Variants in VTI1A observed in about 807,000 individuals in gnomAD.
VTI1A encodes vesicle transport through interaction with t-SNAREs 1A.
VTI1A carries 22 observed loss-of-function variants against 34.9 expected under a neutral mutation model. The ratio of observed to expected loss-of-function variants is 0.63; its 90% CI spans 0.45 to 0.90. The LOEUF (loss-of-function observed/expected upper bound fraction) is 0.90, where lower values mean the gene tolerates loss of function less well. Among genes scored for constraint, VTI1A ranks in the 40% least tolerant of loss-of-function variants. The pLI is 0.00. For synonymous variants in VTI1A, 87 were observed against 97.3 expected (o/e 0.89, Z 0.62); for missense variants, 268 against 275.6 (o/e 0.97, Z 0.20).
intron 5 of VTI1A, among the ~76,000 whole-genome samples, chr10:112,653,149 T>C (rs1410416547): frequency 6.6e-6 from 1 of 152,218 alleles, no homozygotes; most frequent in African/African-American, 2.4e-5. Flanking sequence ...CGAAGTCATT[T>C]ACTCAGTGTA....
chr10:112,711,770 G>A (rs1200870119), intron 7 of VTI1A, among the ~76,000 whole-genome samples: 1 of 152,164 alleles, frequency 6.6e-6, no homozygotes, highest in Non-Finnish European at 1.5e-5. Flanking sequence ...TGTCCTCTGG[G>A]ACAACAACAG....
intron 5 of VTI1A, among the ~76,000 whole-genome samples, chr10:112,560,279 A>G (rs1222335109): frequency 1.3e-5 from 2 of 152,240 alleles, no homozygotes; most frequent in African/African-American, 4.8e-5. Flanking sequence ...AAAATGTAGT[A>G]TGCAACTTTC....
chr10:112,740,704 G>A (rs1850665258), intron 7 of VTI1A, among the ~76,000 whole-genome samples: 1 of 152,244 alleles, frequency 6.6e-6, no homozygotes, highest in South Asian at 2.1e-4. Flanking sequence ...AAATTGGAAT[G>A]CTCATGTGCT....
At chr10:112,747,454 G>A (rs1465050308) in intron 7 of VTI1A, among the ~76,000 whole-genome samples, 1 of 152,154 alleles carries the variant, frequency 6.6e-6, no homozygotes, top group Non-Finnish European at 1.5e-5. Context: ...TCCTGAATAC[G>A]ATAGGCAGTT....
chr10:112,709,142 C>T (rs565527225), intron 7 of VTI1A, among the ~76,000 whole-genome samples: 1 of 152,326 alleles, frequency 6.6e-6, no homozygotes, highest in South Asian at 2.1e-4. Flanking sequence ...CACTCACCAT[C>T]CTCCTCCCTG....
chr10:112,524,803 C>A (rs996852040), intron 3 of VTI1A, among the ~76,000 whole-genome samples: 1 of 152,056 alleles, frequency 6.6e-6, no homozygotes, highest in African/African-American at 2.4e-5. Context: ...ATGTTTTAGT[C>A]CCCCATAGTG....
chr10:112,656,521 A>AT (rs768159688), intron 5 of VTI1A, among the ~76,000 whole-genome samples: 4,273 of 103,110 alleles, frequency 0.041, 193 homozygotes, highest in East Asian at 0.12. Context: ...CACCCAGATA[A>AT]TTTTTTTTTT....
At chr10:112,592,964 C>G (rs560720120) in intron 5 of VTI1A, among the ~76,000 whole-genome samples, 33 of 152,204 alleles carry the variant, frequency 2.2e-4, no homozygotes, top group African/African-American at 7.7e-4. Flanking sequence ...TGTGTGGTGT[C>G]TGAAGAAGGA....
chr10:112,601,770 C>T (rs991500072), intron 5 of VTI1A, among the ~76,000 whole-genome samples: 1 of 152,118 alleles, frequency 6.6e-6, no homozygotes, highest in South Asian at 2.1e-4. Flanking sequence ...TGAGGTATCA[C>T]TATTAGTTAA....
intron 7 of VTI1A, among the ~76,000 whole-genome samples, chr10:112,784,773 G>A (rs1852234334): frequency 6.6e-6 from 1 of 152,148 alleles, no homozygotes; most frequent in African/African-American, 2.4e-5. Context: ...CTGTTTTAAG[G>A]CATTTCTCCA....
chr10:112,765,325 T>C (rs990969736), intron 7 of VTI1A, among the ~76,000 whole-genome samples: 1 of 152,198 alleles, frequency 6.6e-6, no homozygotes, highest in African/African-American at 2.4e-5. Flanking sequence ...TTCACCTGCC[T>C]CAGCTTCCCA....
chr10:112,582,520 C>T (rs1482200402), intron 5 of VTI1A, among the ~76,000 whole-genome samples: 1 of 152,120 alleles, frequency 6.6e-6, no homozygotes, highest in Admixed American at 6.5e-5. Flanking sequence ...CTCCAGATCT[C>T]ATGGTGACAT....
At chr10:112,734,040 C>T (rs990879560) in intron 7 of VTI1A, among the ~76,000 whole-genome samples, 2 of 152,142 alleles carry the variant, frequency 1.3e-5, no homozygotes, top group Admixed American at 1.3e-4. Flanking sequence ...GCGTGAGCCA[C>T]CGTGCCTGGC....
At chr10:112,620,653 G>A (rs1411836678) in intron 5 of VTI1A, among the ~76,000 whole-genome samples, 1 of 152,094 alleles carries the variant, frequency 6.6e-6, no homozygotes, top group African/African-American at 2.4e-5. Context: ...AGCTGGGCAT[G>A]GTGGTGGGCG....
chr10:112,464,261 G>C (rs1342985526), intron 2 of VTI1A, among the ~76,000 whole-genome samples: 6 of 152,254 alleles, frequency 3.9e-5, no homozygotes, highest in African/African-American at 1.4e-4. Context: ...GCCTCCCAAA[G>C]TGTTGGGATG....
At chr10:112,853,443 G>A in the VTI1A span, among the ~76,000 whole-genome samples, 1 of 152,200 alleles carries the variant, frequency 6.6e-6, no homozygotes, top group African/African-American at 2.4e-5. Flanking sequence ...GGAGATACCA[G>A]GACATACCTC....
intron 7 of VTI1A, among the ~76,000 whole-genome samples, chr10:112,766,934 A>G (rs79073163): frequency 6.6e-6 from 1 of 152,190 alleles, no homozygotes; most frequent in Non-Finnish European, 1.5e-5. Context: ...ATCCGTGCCA[A>G]TTGTGGTTTA....
intron 7 of VTI1A, among the ~76,000 whole-genome samples, chr10:112,805,787 G>A (rs1051144934): frequency 6.6e-6 from 1 of 152,170 alleles, no homozygotes; most frequent in South Asian, 2.1e-4. Context: ...GAAGCTGGGA[G>A]AGAGGCATGG....
intron 7 of VTI1A, among the ~76,000 whole-genome samples, chr10:112,718,069 C>T (rs560334000): frequency 1.3e-3 from 204 of 152,286 alleles, no homozygotes; most frequent in Middle Eastern, 3.4e-3. Flanking sequence ...CAAGTGTGTA[C>T]TGTCCCCATC....
Sources: allele counts gnomAD v4.1 joint callset (sites outside exome capture counted in the v4.1 genomes callset), GRCh38; gene constraint gnomAD v4.1.1; transcripts MANE v1.5; gene names NCBI Gene and HGNC (gene_info 2026-07-23, HGNC 2026-07-21).